Variants in EBPL observed in about 807,000 individuals in gnomAD.
The protein encoded by EBPL is EBP like, also known as emopamil-binding protein-like.
EBPL carries 20 observed loss-of-function variants against 19.0 expected under a neutral mutation model. That is an observed-to-expected ratio of 1.05 (90% confidence interval 0.74 to 1.53). The LOEUF (loss-of-function observed/expected upper bound fraction) is 1.53, where lower values mean the gene tolerates loss of function less well. EBPL is among the 40% of genes most tolerant of loss of function. The pLI, the probability that EBPL is intolerant of heterozygous loss-of-function variation, is 0.00. For missense variants in EBPL, 219 were observed against 261.1 expected, an observed-to-expected ratio of 0.84 and a Z score of 1.11; for synonymous variants, 107 against 117.0, an observed-to-expected ratio of 0.91 and a Z score of 0.55.
In EBPL at chr13:49,688,718, CAAAAAAAAAA is replaced by C. The variant is rs56059575; in HGVS notation, c.171+2526_171+2535del. Among the ~76,000 whole-genome samples, 4 of 95,390 alleles carry C rather than the reference CAAAAAAAAAA, an allele frequency of 4.2e-5. No homozygotes were observed. In the East Asian group the frequency reaches 1.2e-3, roughly 29 times the overall value. The allele number at this position is 95,390 out of a possible 152,430, so 62.6% of individuals were successfully genotyped here. A position where few individuals can be genotyped will look rare whatever the true frequency, so the allele number is the denominator to read the frequency against. ...TGGGTAATAGAGCGAGACTCCGTCT[CAAAAAAAAAA>C]AAAAAAAAAAAGAAGTGTCGGGTTA... On this transcript the variant is annotated intron_variant, in intron 1 of 3. Transcript: ENST00000242827.
At chr13:49,665,647 CATCT>C (rs774889196) in intron 2 of EBPL, among the ~76,000 whole-genome samples, 5 of 151,908 alleles carry the variant, frequency 3.3e-5, no homozygotes, top group Non-Finnish European at 7.4e-5. Context: ...TCAAGTGATC[CATCT>C]GTTTTGGCTT....
intron 1 of EBPL, among the ~76,000 whole-genome samples, chr13:49,680,777 G>A (rs965174425): frequency 1.8e-4 from 27 of 152,184 alleles, no homozygotes; most frequent in Middle Eastern, 3.4e-3. Context: ...TGCCAAGATT[G>A]TGCCATTGCA....
intron 1 of EBPL, among the ~76,000 whole-genome samples, chr13:49,676,261 CT>C (rs1474744710): frequency 6.6e-6 from 1 of 152,202 alleles, no homozygotes; most frequent in African/African-American, 2.4e-5. Flanking sequence ...TTGAGCCCCC[CT>C]CCCCTGCTGC....
chr13:49,666,744 G>T (rs1465450876), intron 2 of EBPL, among the ~76,000 whole-genome samples: 2 of 143,076 alleles, frequency 1.4e-5, no homozygotes, highest in Non-Finnish European at 1.5e-5. Flanking sequence ...ACAAAAATTA[G>T]CTGGGCGTGG....
chr13:49,663,230 A>C (rs749896547), intron 2 of EBPL, 35 bp from the exon 3 acceptor site: 1 of 1,609,710 alleles, frequency 6.2e-7, no homozygotes, highest in Non-Finnish European at 8.5e-7. Flanking sequence ...CTCAAATGGC[A>C]ACAATTTTTA....
intron 1 of EBPL, among the ~76,000 whole-genome samples, chr13:49,684,637 T>C (rs1335038919): frequency 6.6e-6 from 1 of 152,184 alleles, no homozygotes; most frequent in Non-Finnish European, 1.5e-5. Context: ...ATCGCGCCAC[T>C]GCACTCCAGC....
chr13:49,673,156 G>A (rs902359858), intron 1 of EBPL, among the ~76,000 whole-genome samples: 2 of 152,146 alleles, frequency 1.3e-5, no homozygotes, highest in African/African-American at 4.8e-5. Flanking sequence ...TGGTGAGGAT[G>A]TGGAAAAACT....
chr13:49,675,311 C>G (rs1953864134), intron 1 of EBPL, among the ~76,000 whole-genome samples: 1 of 152,202 alleles, frequency 6.6e-6, no homozygotes, highest in South Asian at 2.1e-4. Context: ...AGGTAATGCA[C>G]TGCACTACAA....
intron 3 of EBPL, chr13:49,661,831 C>G (rs990035154): frequency 1.3e-6 from 2 of 1,549,392 alleles, no homozygotes; most frequent in Non-Finnish European, 1.7e-6. Context: ...TTCTTCATTA[C>G]AAGATGGTGG....
At position 49,660,916 on chromosome 13, in the gene EBPL, T is replaced by C; in HGVS notation, c.*52A>G. ...TACATTTTGGCCAAACAAAAAGATT[T>C]GATTCATTCTGGTTCATGAAGTTAG... On this transcript the variant is annotated 3_prime_UTR_variant, in exon 4 of 4. Transcript: ENST00000242827. 6.8e-7 allele frequency: 1 copy of C among 1,481,404 alleles called. No individual in the cohort carries two copies. The highest frequency in any genetic ancestry group is 1.2e-5 in the South Asian group (1 of 80,370). 91.8% of individuals were successfully genotyped at this position (1,481,404 alleles called of 1,614,324 possible). A position where few individuals can be genotyped will look rare whatever the true frequency, so the allele number is the denominator to read the frequency against.
chr13:49,661,910 C>T (rs752408895), intron 3 of EBPL: 2 of 1,550,544 alleles, frequency 1.3e-6, no homozygotes, highest in South Asian at 2.4e-5. Context: ...AATCTATTCA[C>T]CCCAGGCCAC....
At chr13:49,667,340 C>G (rs1234517511) in intron 2 of EBPL, among the ~76,000 whole-genome samples, 1 of 152,156 alleles carries the variant, frequency 6.6e-6, no homozygotes, top group Non-Finnish European at 1.5e-5. Context: ...GGAAAAGATG[C>G]AAACTAAGGG....
chr13:49,684,080 A>G (rs1953971741), intron 1 of EBPL, among the ~76,000 whole-genome samples: 2 of 152,220 alleles, frequency 1.3e-5, no homozygotes, highest in Admixed American at 1.3e-4. Flanking sequence ...GACAGAAGGC[A>G]GACGGGTGTT....
At chr13:49,689,865 T>TGGTGGC (rs922498645) in intron 1 of EBPL, among the ~76,000 whole-genome samples, 11 of 152,170 alleles carry the variant, frequency 7.2e-5, no homozygotes, top group African/African-American at 1.2e-4. Context: ...AATTCTCGGC[T>TGGTGGC]GGTGGCGGTG....
chr13:49,682,805 A>G (rs548179631), intron 1 of EBPL, among the ~76,000 whole-genome samples: 2 of 152,152 alleles, frequency 1.3e-5, no homozygotes, highest in Non-Finnish European at 2.9e-5. Flanking sequence ...GGCATGCCCA[A>G]GTTTCTGAGC....
chr13:49,679,893 A>G (rs980164683), intron 1 of EBPL, among the ~76,000 whole-genome samples: 2 of 145,492 alleles, frequency 1.4e-5, no homozygotes, highest in Non-Finnish European at 3.1e-5. Context: ...CTATATATAT[A>G]TATTAGTCAA....
chr13:49,669,105 T>G (rs1953782379), intron 2 of EBPL, among the ~76,000 whole-genome samples: 1 of 152,086 alleles, frequency 6.6e-6, no homozygotes, highest in South Asian at 2.1e-4. Flanking sequence ...AGTCTCCATC[T>G]CCTGACCTGG....
At chr13:49,666,130 A>ACG (rs1566313339) in intron 2 of EBPL, among the ~76,000 whole-genome samples, 1 of 152,200 alleles carries the variant, frequency 6.6e-6, no homozygotes, top group Non-Finnish European at 1.5e-5. Flanking sequence ...GGCAGGGGCC[A>ACG]CGCAGGCAGG....
intron 2 of EBPL, among the ~76,000 whole-genome samples, chr13:49,663,665 C>T (rs1205166697): frequency 3.9e-5 from 6 of 152,160 alleles, no homozygotes; most frequent in South Asian, 2.1e-4. Flanking sequence ...TGGCCAGGCA[C>T]GGTGGCTCAC....
Sources: allele counts gnomAD v4.1 joint callset (sites outside exome capture counted in the v4.1 genomes callset), GRCh38; gene constraint gnomAD v4.1.1; transcripts MANE v1.5; gene names NCBI Gene and HGNC (gene_info 2026-07-23, HGNC 2026-07-21).